Variants in CDC42BPA observed in about 807,000 individuals in gnomAD.
CDC42BPA encodes CDC42 binding protein kinase alpha.
Under a neutral mutation model 223.5 loss-of-function variants are expected in CDC42BPA, and 80 were observed. The ratio of observed to expected loss-of-function variants is 0.36; its 90% CI spans 0.30 to 0.43. The LOEUF is 0.43. CDC42BPA is among the 20% of genes least tolerant of loss of function. The probability of loss-of-function intolerance (pLI) is 1.00; values close to 1 mark genes in which losing one functional copy is unlikely to be tolerated. For missense variants in CDC42BPA, 1,743 were observed against 2,099.9 expected (o/e 0.83, Z 3.32); for synonymous variants, 694 against 718.6 (o/e 0.97, Z 0.55).
At chr1:227,004,957 T>C (rs2148362419) in intron 35 of CDC42BPA, 37 bp downstream of exon 35, 2 of 1,406,390 alleles carry the variant, frequency 1.4e-6, no homozygotes, top group East Asian at 2.3e-5. Context: ...GGGGTCACCC[T>C]GTCTCAGAGG....
intron 22 of CDC42BPA, among the ~76,000 whole-genome samples, chr1:227,048,577 T>G (rs1672924007): frequency 6.6e-6 from 1 of 151,756 alleles, no homozygotes; most frequent in African/African-American, 2.4e-5. Context: ...ATTGGAATTC[T>G]GACTTTAATA....
intron 3 of CDC42BPA, among the ~76,000 whole-genome samples, chr1:227,209,248 G>C (rs1207922141): frequency 4.7e-5 from 7 of 149,914 alleles, no homozygotes; most frequent in Non-Finnish European, 8.9e-5. Context: ...AGCTTAAGGA[G>C]ATTTTGAGCT....
At chr1:227,230,685 TCA>T (rs1361315662) in intron 2 of CDC42BPA, among the ~76,000 whole-genome samples, 3 of 152,110 alleles carry the variant, frequency 2.0e-5, no homozygotes, top group African/African-American at 4.8e-5. Flanking sequence ...CTGAAAATAC[TCA>T]GTTATCTTAT....
At chr1:227,000,105 AAT>A (rs1226708713) in intron 35 of CDC42BPA, among the ~76,000 whole-genome samples, 1 of 105,782 alleles carries the variant, frequency 9.5e-6, no homozygotes, top group East Asian at 2.1e-4. Context: ...TAATAATAAT[AAT>A]AATAATAATA....
chr1:227,240,970 C>G (rs896591007), intron 2 of CDC42BPA, among the ~76,000 whole-genome samples: 7 of 151,814 alleles, frequency 4.6e-5, no homozygotes, highest in Non-Finnish European at 1.5e-5. Context: ...GAAAATATTG[C>G]TAAAACATCT....
intron 27 of CDC42BPA, among the ~76,000 whole-genome samples, chr1:227,032,651 C>G (rs1669495386): frequency 6.6e-6 from 1 of 152,164 alleles, no homozygotes. Flanking sequence ...CTGTTTTGGG[C>G]CTAGTCCTCA....
At chr1:227,082,883 G>A (rs11800145) in intron 16 of CDC42BPA, among the ~76,000 whole-genome samples, 43,151 of 151,864 alleles carry the variant, frequency 0.28, 6,343 homozygotes, top group African/African-American at 0.35. Flanking sequence ...TCTGAATTCC[G>A]TTTTTAATTT....
intron 1 of CDC42BPA, among the ~76,000 whole-genome samples, chr1:227,298,647 T>C (rs985735556): frequency 6.6e-6 from 1 of 152,174 alleles, no homozygotes; most frequent in African/African-American, 2.4e-5. Flanking sequence ...AAAAAAGCCA[T>C]TTGAAGCTAT....
At chr1:227,136,327 G>A (rs1297706942) in intron 10 of CDC42BPA, among the ~76,000 whole-genome samples, 1 of 152,078 alleles carries the variant, frequency 6.6e-6, no homozygotes, top group Admixed American at 6.5e-5. Context: ...CAGATCAATA[G>A]AAAATATCTT....
chr1:227,282,751 A>G (rs1048968635), intron 1 of CDC42BPA, among the ~76,000 whole-genome samples: 2 of 152,214 alleles, frequency 1.3e-5, no homozygotes, highest in Admixed American at 1.3e-4. Context: ...AAGGACAAAT[A>G]CTGTTATGAT....
At chr1:227,044,104 T>G (rs1292180208) in intron 23 of CDC42BPA, among the ~76,000 whole-genome samples, 1 of 149,426 alleles carries the variant, frequency 6.7e-6, no homozygotes, top group Admixed American at 6.6e-5. Flanking sequence ...ATTAATGAAG[T>G]TGGACATTTC....
At chr1:227,009,866 CATT>C (rs1428899220) in intron 34 of CDC42BPA, among the ~76,000 whole-genome samples, 5 of 152,018 alleles carry the variant, frequency 3.3e-5, no homozygotes, top group African/African-American at 7.2e-5. Context: ...ACATTTAAAA[CATT>C]ATAATTTAGA....
chr1:227,178,445 T>C lies in CDC42BPA; in HGVS notation c.599+15341A>G, dbSNP rs78910279. On this transcript the variant is annotated intron_variant, in intron 5 of 36. Coordinates refer to ENST00000366766, the MANE Select transcript of CDC42BPA (RefSeq NM_001394014.1). ...CAGCCACGTGGAACTGTAAGTCCAA[T>C]TAAACCTCTTTCTTTTATAAATTGC... 7.7e-4 allele frequency: 118 copies of C among 153,062 alleles called. 1 individual carries two copies. In the East Asian group the frequency reaches 0.022, roughly 28 times the overall value. The allele number at this position is 153,062 out of a possible 1,614,324, so 9.5% of individuals were successfully genotyped here. A position where few individuals can be genotyped will look rare whatever the true frequency, so the allele number is the denominator to read the frequency against.
chr1:227,280,122 A>G, intron 1 of CDC42BPA, among the ~76,000 whole-genome samples: 2 of 152,302 alleles, frequency 1.3e-5, no homozygotes, highest in Middle Eastern at 6.8e-3. Context: ...ATAAAAAAAG[A>G]CTTATTTTCT....
At chr1:227,247,125 G>A (rs1279891513) in intron 2 of CDC42BPA, among the ~76,000 whole-genome samples, 2 of 151,948 alleles carry the variant, frequency 1.3e-5, no homozygotes, top group Non-Finnish European at 2.9e-5. Flanking sequence ...CACAGAACCT[G>A]GGAGGCAGAG....
chr1:227,159,365 T>C (rs1179872763), intron 6 of CDC42BPA, among the ~76,000 whole-genome samples: 1 of 152,070 alleles, frequency 6.6e-6, no homozygotes, highest in African/African-American at 2.4e-5. Context: ...TGCTTGCCTG[T>C]ATCCCAACTA....
At chr1:227,253,949 TA>T in intron 2 of CDC42BPA, 114 bp downstream of exon 2, 1 of 720,396 alleles carries the variant, frequency 1.4e-6, no homozygotes, top group Non-Finnish European at 2.4e-6. Context: ...AATCACAACT[TA>T]ACAAATATTG....
At chr1:227,015,689 G>A (rs56029302) in intron 34 of CDC42BPA, among the ~76,000 whole-genome samples, 63,214 of 150,344 alleles carry the variant, frequency 0.42, 13,493 homozygotes, top group Non-Finnish European at 0.46. Flanking sequence ...TGGGAAGAAG[G>A]AAAAAAAAAG....
In CDC42BPA at chr1:227,198,008, T is replaced by C. The variant is rs531661635; in HGVS notation, c.450+1549A>G. Among the ~76,000 whole-genome samples, 12 of 152,340 alleles carry C rather than the reference T, an allele frequency of 7.9e-5. No homozygotes were observed. In the South Asian group the frequency reaches 2.5e-3, roughly 32 times the overall value. On this transcript the variant is annotated intron_variant, in intron 4 of 36. Coordinates refer to ENST00000366766, the MANE Select transcript of CDC42BPA (RefSeq NM_001394014.1). ...ACAAAAAACTCTATGCTATGGTTTTTACACAATTCTCACTATAACCCACAA... is the reference window on the plus strand; with the variant it reads ...ACAAAAAACTCTATGCTATGGTTTTCACACAATTCTCACTATAACCCACAA...
Sources: gnomAD v4.1 joint callset for allele counts (sites outside exome capture counted in the v4.1 genomes callset) on GRCh38, gnomAD v4.1.1 for gene constraint, MANE v1.5 for transcripts, NCBI Gene and HGNC (gene_info 2026-07-23, HGNC 2026-07-21) for gene names.